Variants in IGF1R observed in about 807,000 individuals in gnomAD.
The protein encoded by IGF1R is insulin like growth factor 1 receptor, also known as insulin-like growth factor 1 receptor.
In IGF1R, 44 loss-of-function variants were observed where a neutral mutation model predicts 144.6. That is an observed-to-expected ratio of 0.30 (90% CI 0.24 to 0.39). The LOEUF is 0.39. IGF1R is among the 10% of genes least tolerant of loss of function. The pLI is 1.00. For synonymous variants in IGF1R, 795 were observed against 722.8 expected, an observed-to-expected ratio of 1.10 and a Z score of -1.60; for missense variants, 1,355 against 1,833.7, an observed-to-expected ratio of 0.74 and a Z score of 4.77.
chr15:98,782,649 C>G (rs2055886414), intron 2 of IGF1R, among the ~76,000 whole-genome samples: 1 of 152,134 alleles, frequency 6.6e-6, no homozygotes, highest in African/African-American at 2.4e-5. Context: ...TTTCTTTAAT[C>G]ACTCCAAATT....
At chr15:98,759,478 A>G (rs1051768614) in intron 2 of IGF1R, among the ~76,000 whole-genome samples, 1 of 152,226 alleles carries the variant, frequency 6.6e-6, no homozygotes, top group African/African-American at 2.4e-5. Flanking sequence ...CCCCTGCATT[A>G]CAGAAGAACG....
intron 1 of IGF1R, among the ~76,000 whole-genome samples, chr15:98,701,593 C>T (rs928256111): frequency 6.6e-6 from 1 of 152,134 alleles, no homozygotes; most frequent in Non-Finnish European, 1.5e-5. Context: ...ACCGCCTCGG[C>T]CTCCCACAGT....
intron 2 of IGF1R, among the ~76,000 whole-genome samples, chr15:98,815,505 T>A (rs1311041560): frequency 6.6e-6 from 1 of 152,238 alleles, no homozygotes; most frequent in African/African-American, 2.4e-5. Flanking sequence ...GGCTATTGTT[T>A]GTTTGGGAAA....
In IGF1R at chr15:98,899,558, C is replaced by A. The variant is rs954387032; in HGVS notation, c.1184C>A (p.Ala395Asp). The A allele has an allele frequency of 6.2e-7, 1 of 1,614,098 alleles. No individual in the cohort carries two copies. Reference sequence around the variant, plus strand: ...TACGTGAAGATCCGCCATTCTCATGCCTTGGTCTCCTTGTCCTTCCTAAAA... The same window carrying A: ...TACGTGAAGATCCGCCATTCTCATGACTTGGTCTCCTTGTCCTTCCTAAAA... Reference protein sequence around the residue: ...TGYVKIRHSHALVSLSFLKNL... With the variant: ...TGYVKIRHSHDLVSLSFLKNL... The change falls in exon 5 of 21, where the codon GCC becomes GAC. Residue 395 changes from alanine (A) to aspartate (D), a missense_variant. Ala to Asp is a moderately radical substitution (Grantham distance 126). This residue lies in a region of IGF1R where 880 missense variants were observed against 1,202.7 expected (regional missense o/e 0.73). Transcript: ENST00000650285.
intron 2 of IGF1R, among the ~76,000 whole-genome samples, chr15:98,774,729 G>A (rs951045760): frequency 1.3e-5 from 2 of 152,120 alleles, no homozygotes; most frequent in African/African-American, 2.4e-5. Flanking sequence ...GTGGAGTGAT[G>A]GTTTCACTTT....
At chr15:98,830,603 A>ATTTTTTTTTTTTTTTTTTTTTTTTTTTT (rs1555450173) in intron 2 of IGF1R, among the ~76,000 whole-genome samples, 1 of 133,720 alleles carries the variant, frequency 7.5e-6, no homozygotes, top group African/African-American at 3.3e-5. Flanking sequence ...TCTGATCATC[A>ATTTTTTTTTTTTTTTTTTTTTTTTTTTT]TCTTTTTTTT....
intron 1 of IGF1R, among the ~76,000 whole-genome samples, chr15:98,674,109 G>A (rs2052969226): frequency 7.4e-6 from 1 of 134,768 alleles, no homozygotes; most frequent in Non-Finnish European, 1.6e-5. Flanking sequence ...TAAAGTCTCA[G>A]CTTTTTGAGA....
At chr15:98,863,279 G>A (rs980102444) in intron 2 of IGF1R, among the ~76,000 whole-genome samples, 1 of 152,092 alleles carries the variant, frequency 6.6e-6, no homozygotes, top group African/African-American at 2.4e-5. Flanking sequence ...GATGCGTGAT[G>A]TTTCCTTTCC....
Position 98,680,063 on chromosome 15 carries a change from TTAAGC to T in IGF1R, c.95-27494_95-27490del, listed in dbSNP as rs1339046496. On this transcript the variant is annotated intron_variant, in intron 1 of 20. Coordinates refer to ENST00000650285, the MANE Select transcript of IGF1R (RefSeq NM_000875.5). ...TTTGTAAAAGTAAAAAAAGTTGTGC[TTAAGC>T]TAAGTTTAATTTATTATTGAAGAAA... Among the ~76,000 whole-genome samples, 12 of 152,216 alleles carry T rather than the reference TTAAGC, an allele frequency of 7.9e-5. 3 individuals are homozygous for T. The highest frequency in any genetic ancestry group is 2.9e-4 in the African/African-American group (12 of 41,542).
chr15:98,699,108 G>A (rs2053664734), intron 1 of IGF1R, among the ~76,000 whole-genome samples: 1 of 152,192 alleles, frequency 6.6e-6, no homozygotes, highest in Non-Finnish European at 1.5e-5. Flanking sequence ...GGAAAGGAAG[G>A]CAGAAGGAAC....
intron 17 of IGF1R, among the ~76,000 whole-genome samples, chr15:98,938,304 G>A (rs1440327366): frequency 2.6e-5 from 4 of 152,242 alleles, no homozygotes; most frequent in African/African-American, 9.6e-5. Context: ...GCAGTGCTGT[G>A]TGAGATGCTT....
chr15:98,690,654 A>C (rs934806972), intron 1 of IGF1R, among the ~76,000 whole-genome samples: 1 of 152,254 alleles, frequency 6.6e-6, no homozygotes. Context: ...AAATTAGAAC[A>C]ATACACAGTT....
intron 2 of IGF1R, among the ~76,000 whole-genome samples, chr15:98,749,887 C>CTT (rs57470280): frequency 2.8e-4 from 38 of 138,162 alleles, no homozygotes; most frequent in East Asian, 6.2e-4. Context: ...TATTTTTAGG[C>CTT]TTTTTTTTTT....
intron 2 of IGF1R, among the ~76,000 whole-genome samples, chr15:98,761,925 G>T (rs1293923392): frequency 1.3e-5 from 2 of 152,238 alleles, no homozygotes; most frequent in Non-Finnish European, 2.9e-5. Context: ...GCTGCAGAGG[G>T]CTCACTGTTT....
chr15:98,693,746 C>T (rs565856647), intron 1 of IGF1R, among the ~76,000 whole-genome samples: 47 of 152,284 alleles, frequency 3.1e-4, no homozygotes, highest in African/African-American at 1.1e-3. Flanking sequence ...GCTGGGACTT[C>T]AGGTGTATGC....
chr15:98,660,082 C>T (rs1335025197), intron 1 of IGF1R: 5 of 152,234 alleles, frequency 3.3e-5, no homozygotes, highest in African/African-American at 1.2e-4. Context: ...TGTCAAAAGC[C>T]TTAAACCTGT....
intron 2 of IGF1R, among the ~76,000 whole-genome samples, chr15:98,806,382 A>T (rs2056471550): frequency 6.6e-6 from 1 of 152,002 alleles, no homozygotes; most frequent in African/African-American, 2.4e-5. Context: ...CTTGGGAGGG[A>T]CAAGTTTGGG....
chr15:98,916,595 G>A (rs2015261127), intron 9 of IGF1R, 77 bp from the exon 10 acceptor site: 1 of 1,223,018 alleles, frequency 8.2e-7, no homozygotes, highest in Non-Finnish European at 1.2e-6. Context: ...AAGGTACTGA[G>A]AGCTATTATT....
At chr15:98,824,846 T>C (rs569280974) in intron 2 of IGF1R, among the ~76,000 whole-genome samples, 145 of 152,254 alleles carry the variant, frequency 9.5e-4, no homozygotes, top group Non-Finnish European at 1.7e-3. Context: ...CTTCTTCTTT[T>C]TTTTTTTTGA....
Sources: allele counts gnomAD v4.1 joint callset (sites outside exome capture counted in the v4.1 genomes callset), GRCh38; gene constraint gnomAD v4.1.1; regional missense constraint gnomAD v4.1.1; transcripts MANE v1.5; gene names NCBI Gene and HGNC (gene_info 2026-07-23, HGNC 2026-07-21).